The following CEP350 variants were observed in gnomAD, a reference collection of about 807,000 sequenced individuals.
CEP350 encodes the protein centrosome-associated protein 350.
In CEP350, 126 loss-of-function variants were observed where a neutral mutation model predicts 331.8. The observed-to-expected ratio is 0.38, with a 90% confidence interval of 0.33 to 0.44. CEP350 has a LOEUF of 0.44. Among genes scored for constraint, CEP350 ranks in the 20% least tolerant of loss-of-function variants. The probability of loss-of-function intolerance (pLI) is 1.00; values close to 1 mark genes in which losing one functional copy is unlikely to be tolerated. For missense variants in CEP350, 3,406 were observed against 3,634.6 expected, an observed-to-expected ratio of 0.94 and a Z score of 1.62; for synonymous variants, 1,200 against 1,259.5, an observed-to-expected ratio of 0.95 and a Z score of 1.00.
chr1:179,966,039 A>G (rs1450513883), intron 1 of CEP350, among the ~76,000 whole-genome samples: 1 of 152,190 alleles, frequency 6.6e-6, no homozygotes, highest in East Asian at 1.9e-4. Flanking sequence ...GGACTCAGCA[A>G]AAATAGATCT....
chr1:180,078,608 C>T lies in CEP350; in HGVS notation c.5913C>T (p.His1971=), dbSNP rs140755321. ...AGGAGCAGCCAGGGAGTCCAGATCA[C>T]AGTATACTTACTGAAGAAATGATTT... The part of the protein sequence containing the change: ...IGQEQPGSPD[H]SILTEEMICS... Residue 1971 remains histidine (H), a synonymous_variant, in exon 29 of 38, where the codon CAC becomes CAT. Transcript: ENST00000367607. The T allele has an allele frequency of 1.3e-4, 208 of 1,613,030 alleles. No homozygotes were observed. The African/African-American group carries it at 2.5e-3, about 20-fold the overall frequency.
chr1:179,962,734 TA>T (rs753718930), intron 1 of CEP350, among the ~76,000 whole-genome samples: 1 of 152,196 alleles, frequency 6.6e-6, no homozygotes, highest in Non-Finnish European at 1.5e-5. Flanking sequence ...GATAGGTACT[TA>T]GTTTGATTCA....
chr1:180,054,732 A>G (rs1657709555), intron 25 of CEP350, among the ~76,000 whole-genome samples: 1 of 152,162 alleles, frequency 6.6e-6, no homozygotes, highest in Admixed American at 6.5e-5. Context: ...TACACAGGCA[A>G]ACTTTCTACC....
intron 24 of CEP350, 128 bp downstream of exon 24, chr1:180,054,062 G>A (rs1021488006): frequency 1.6e-5 from 11 of 689,602 alleles, no homozygotes; most frequent in Non-Finnish European, 2.5e-5. Context: ...TAGAAATAAC[G>A]GCAGTCATAC....
chr1:180,090,601 G>T, intron 32 of CEP350, 113 bp from the exon 33 acceptor site: 4 of 568,574 alleles, frequency 7.0e-6, no homozygotes, highest in Non-Finnish European at 5.1e-6. Flanking sequence ...GACATAGATT[G>T]ACATACCTAC....
chr1:180,025,048 C>T (rs923228497), intron 14 of CEP350, among the ~76,000 whole-genome samples: 10 of 151,902 alleles, frequency 6.6e-5, no homozygotes. Context: ...CCTCAGCCTC[C>T]CGAGTAGCTG....
intron 31 of CEP350, chr1:180,086,071 G>A (rs1016953933): frequency 6.6e-6 from 1 of 152,152 alleles, no homozygotes; most frequent in East Asian, 1.9e-4. Flanking sequence ...CTTTACCATT[G>A]TATTGTCTTC....
intron 27 of CEP350, among the ~76,000 whole-genome samples, chr1:180,070,567 C>G (rs1398618012): frequency 6.6e-6 from 1 of 152,120 alleles, no homozygotes; most frequent in Non-Finnish European, 1.5e-5. Flanking sequence ...TTGAGGCCCA[C>G]AGAGTTTATG....
Position 179,992,187 on chromosome 1 carries a change from C to T in CEP350, c.361C>T (p.Arg121Cys), listed in dbSNP as rs770510884. The change falls in exon 5 of 38, where the codon CGT becomes TGT. Residue 121 changes from arginine (R) to cysteine (C), a missense_variant. Arg to Cys is a radical substitution (Grantham distance 180). This residue lies in a region of CEP350 where 1,857 missense variants were observed against 1,909.2 expected (regional missense o/e 0.97). Transcript: ENST00000367607. ...GGAGAGTAATGTGAAGAAAAATAATCGTGTGGAATTTCGTGAACCTTTGGT... is the reference window on the plus strand; with the variant it reads ...GGAGAGTAATGTGAAGAAAAATAATTGTGTGGAATTTCGTGAACCTTTGGT... ...TLESNVKKNN[R>C]VEFREPLVSY... is the part of the protein sequence containing the mutation. The T allele has an allele frequency of 4.7e-6, 7 of 1,499,550 alleles. No individual in the cohort carries two copies. The highest frequency in any genetic ancestry group is 1.5e-5 in the African/African-American group (1 of 68,668). The allele number at this position is 1,499,550 out of a possible 1,614,324, so 92.9% of individuals were successfully genotyped here.
At chr1:179,959,490 C>T (rs539029719) in intron 1 of CEP350, among the ~76,000 whole-genome samples, 30 of 152,114 alleles carry the variant, frequency 2.0e-4, no homozygotes, top group African/African-American at 7.2e-4. Flanking sequence ...TGCGGTGTCT[C>T]ATGCCTATAA....
chr1:180,010,255 TC>T (rs1654538790), intron 8 of CEP350, among the ~76,000 whole-genome samples: 1 of 152,060 alleles, frequency 6.6e-6, no homozygotes, highest in South Asian at 2.1e-4. Context: ...TTTAGTTACT[TC>T]CGATACTATA....
intron 28 of CEP350, among the ~76,000 whole-genome samples, chr1:180,077,255 A>G (rs1382944731): frequency 1.3e-5 from 2 of 152,184 alleles, no homozygotes; most frequent in African/African-American, 2.4e-5. Flanking sequence ...TATATTTTTT[A>G]AAAAAGATAC....
chr1:180,021,597 G>A (rs934481801), intron 12 of CEP350, among the ~76,000 whole-genome samples: 3 of 152,104 alleles, frequency 2.0e-5, no homozygotes, highest in African/African-American at 7.2e-5. Flanking sequence ...GGCGGAGGTT[G>A]CAGTGAGCTG....
intron 37 of CEP350, among the ~76,000 whole-genome samples, chr1:180,101,276 G>A (rs899033772): frequency 2.6e-5 from 4 of 151,242 alleles, no homozygotes; most frequent in Non-Finnish European, 2.9e-5. Context: ...GCATGAGCTC[G>A]TTCTTCTTAA....
At chr1:180,038,933 G>T (rs1012009960) in intron 17 of CEP350, among the ~76,000 whole-genome samples, 4 of 151,936 alleles carry the variant, frequency 2.6e-5, no homozygotes, top group African/African-American at 9.7e-5. Flanking sequence ...AAATCTTTGG[G>T]CCGACTGTGG....
chr1:180,063,126 CAACTTTAAT>C (rs1243554607), intron 26 of CEP350, among the ~76,000 whole-genome samples: 10 of 150,136 alleles, frequency 6.7e-5, no homozygotes, highest in Admixed American at 6.6e-4. Context: ...TTTAGCTATC[CAACTTTAAT>C]ATGATGATAC....
intron 20 of CEP350, among the ~76,000 whole-genome samples, chr1:180,043,849 G>T (rs910783542): frequency 4.6e-5 from 7 of 151,716 alleles, no homozygotes; most frequent in African/African-American, 1.7e-4. Flanking sequence ...TAGATTTTAA[G>T]TCTCTGTTTA....
intron 1 of CEP350, chr1:179,968,681 G>A: frequency 1.9e-6 from 1 of 515,106 alleles, no homozygotes; most frequent in Non-Finnish European, 3.8e-6. Context: ...ATATCCAGAG[G>A]CCTTGATGTC....
At chr1:180,092,056 A>AC (rs397764363) in intron 33 of CEP350, among the ~76,000 whole-genome samples, 5 of 151,460 alleles carry the variant, frequency 3.3e-5, no homozygotes, top group African/African-American at 4.9e-5. Flanking sequence ...CAAAAAAAAA[A>AC]CGATTTGAAT....
Sources: gnomAD v4.1 joint callset for allele counts (sites outside exome capture counted in the v4.1 genomes callset) on GRCh38, gnomAD v4.1.1 for gene constraint, gnomAD v4.1.1 regional missense constraint, MANE v1.5 for transcripts, NCBI Gene and HGNC (gene_info 2026-07-23, HGNC 2026-07-21) for gene names.